The following FBXL13 variants were observed in gnomAD, a reference collection of about 807,000 sequenced individuals.
FBXL13 encodes the protein F-box and leucine-rich repeat protein 13.
FBXL13 carries 67 observed loss-of-function variants against 83.6 expected under a neutral mutation model. The ratio of observed to expected loss-of-function variants is 0.80; its 90% CI spans 0.66 to 0.98. The LOEUF is 0.98. FBXL13 is among the 50% of genes least tolerant of loss of function. The pLI, the probability that FBXL13 is intolerant of heterozygous loss-of-function variation, is 0.00. For missense variants in FBXL13, 822 were observed against 866.5 expected, an observed-to-expected ratio of 0.95 and a Z score of 0.64; for synonymous variants, 272 against 299.5, an observed-to-expected ratio of 0.91 and a Z score of 0.95.
intron 5 of FBXL13, 43 bp from the exon 7 acceptor site, chr7:103,025,273 C>T (rs367853341): frequency 8.1e-5 from 108 of 1,327,336 alleles, no homozygotes; most frequent in Middle Eastern, 5.2e-4. Context: ...ATTGCTGTAA[C>T]GGTCAAGAGA....
chr7:103,069,961 C>T (rs1483433286), intron 1 of FBXL13, among the ~76,000 whole-genome samples: 2 of 151,826 alleles, frequency 1.3e-5, no homozygotes, highest in Non-Finnish European at 2.9e-5. Flanking sequence ...CGCCTGTAGT[C>T]CCAGCTACTC....
chr7:102,976,320 T>A, intron 6 of FBXL13: 1 of 638,622 alleles, frequency 1.6e-6, no homozygotes, highest in Admixed American at 2.6e-5. Flanking sequence ...CCCAAGTCTC[T>A]ATTGTGGAAA....
chr7:102,961,994 A>T (rs1343192505), intron 8 of FBXL13, among the ~76,000 whole-genome samples: 1 of 150,250 alleles, frequency 6.7e-6, no homozygotes, highest in Admixed American at 6.6e-5. Flanking sequence ...ATGGGATCTA[A>T]TTAAACTAAA....
At chr7:102,906,377 G>A (rs1426119926) in intron 11 of FBXL13, among the ~76,000 whole-genome samples, 1 of 152,126 alleles carries the variant, frequency 6.6e-6, no homozygotes, top group Non-Finnish European at 1.5e-5. Context: ...TCCTACTTAG[G>A]ATAAGAGTAG....
intron 8 of FBXL13, among the ~76,000 whole-genome samples, chr7:102,955,766 T>A (rs913124710): frequency 2.8e-4 from 42 of 151,838 alleles, no homozygotes; most frequent in Admixed American, 9.8e-4. Context: ...TCTATGCAAA[T>A]AAACTAGAAA....
At chr7:102,952,255 G>C (rs907291889) in intron 8 of FBXL13, among the ~76,000 whole-genome samples, 1 of 152,146 alleles carries the variant, frequency 6.6e-6, no homozygotes, top group African/African-American at 2.4e-5. Context: ...AGATGAAAAA[G>C]TTCTGGAGAT....
At chr7:103,013,350 A>G (rs985998920) in intron 6 of FBXL13, among the ~76,000 whole-genome samples, 1 of 152,216 alleles carries the variant, frequency 6.6e-6, no homozygotes, top group African/African-American at 2.4e-5. Flanking sequence ...ACATCTGCAC[A>G]TGGCCCATAC....
chr7:103,060,271 C>G (rs1264302243), intron 1 of FBXL13, among the ~76,000 whole-genome samples: 1 of 151,394 alleles, frequency 6.6e-6, no homozygotes, highest in Non-Finnish European at 1.5e-5. Context: ...CAGGCTAGTC[C>G]TGAACTCCTG....
chr7:103,072,024 A>T (rs1477119353), intron 1 of FBXL13, among the ~76,000 whole-genome samples: 1 of 151,962 alleles, frequency 6.6e-6, no homozygotes, highest in Admixed American at 6.6e-5. Context: ...CTCGACTAAA[A>T]ATACAAAAAT....
At chr7:102,971,731 C>G (rs1826697523) in intron 6 of FBXL13, among the ~76,000 whole-genome samples, 1 of 151,818 alleles carries the variant, frequency 6.6e-6, no homozygotes, top group African/African-American at 2.4e-5. Context: ...GACTCTGTCT[C>G]TAAAAAATTT....
intron 16 of FBXL13, among the ~76,000 whole-genome samples, chr7:102,858,184 C>A (rs1369478985): frequency 1.3e-5 from 2 of 152,072 alleles, no homozygotes; most frequent in Admixed American, 6.6e-5. Context: ...TGATGTTAAG[C>A]AAAATAAGAT....
At chr7:102,962,548 G>T (rs1825399383) in intron 8 of FBXL13, among the ~76,000 whole-genome samples, 1 of 152,050 alleles carries the variant, frequency 6.6e-6, no homozygotes, top group South Asian at 2.1e-4. Context: ...GTTTATTGCG[G>T]CATTATTCAC....
At chr7:102,945,967 C>T (rs556268941) in intron 8 of FBXL13, among the ~76,000 whole-genome samples, 32 of 152,240 alleles carry the variant, frequency 2.1e-4, no homozygotes, top group Non-Finnish European at 3.2e-4. Context: ...CTGCAACCTA[C>T]GCCTTCCGGG....
chr7:102,883,594 C>T, exon 13 of FBXL13: 1 of 1,610,406 alleles, frequency 6.2e-7, no homozygotes, highest in Non-Finnish European at 8.5e-7. Flanking sequence ...TCTGAGTTTA[C>T]AAGCAGAAAG....
chr7:102,894,670 A>G (rs1253586673), intron 11 of FBXL13, among the ~76,000 whole-genome samples: 1 of 151,826 alleles, frequency 6.6e-6, no homozygotes, highest in East Asian at 1.9e-4. Flanking sequence ...TTGAGGCTAC[A>G]GTGAGCTATG....
intron 11 of FBXL13, among the ~76,000 whole-genome samples, chr7:102,893,436 T>C (rs927206475): frequency 2.0e-5 from 3 of 152,150 alleles, no homozygotes; most frequent in Non-Finnish European, 2.9e-5. Context: ...AACTGGTTAG[T>C]AGCATAACAA....
At chr7:102,944,042 TA>T (rs1821971891) in intron 8 of FBXL13, among the ~76,000 whole-genome samples, 2 of 152,196 alleles carry the variant, frequency 1.3e-5, no homozygotes, top group South Asian at 4.1e-4. Flanking sequence ...TACTTATAGT[TA>T]AAAGTTTTCT....
At chr7:103,053,902 AATT>A in intron 2 of FBXL13, among the ~76,000 whole-genome samples, 1 of 152,316 alleles carries the variant, frequency 6.6e-6, no homozygotes, top group South Asian at 2.1e-4. Context: ...TCATCCCTCT[AATT>A]CTGTTTCTCT....
intron 6 of FBXL13, among the ~76,000 whole-genome samples, chr7:102,995,652 T>G (rs1273377293): frequency 6.6e-6 from 1 of 151,738 alleles, no homozygotes; most frequent in Admixed American, 6.6e-5. Context: ...CCAGGCGTGG[T>G]GGTGTGCACC....
Sources: allele counts gnomAD v4.1 joint callset (sites outside exome capture counted in the v4.1 genomes callset), GRCh38; gene constraint gnomAD v4.1.1; transcripts MANE v1.5; gene names NCBI Gene and HGNC (gene_info 2026-07-23, HGNC 2026-07-21).